Variants in HCN1 observed in about 807,000 individuals in gnomAD.
HCN1 encodes the protein potassium/sodium hyperpolarization-activated cyclic nucleotide-gated channel 1.
Under a neutral mutation model 78.9 loss-of-function variants are expected in HCN1, and 13 were observed. That is an observed-to-expected ratio of 0.16 (90% CI 0.11 to 0.26). The LOEUF (loss-of-function observed/expected upper bound fraction) is 0.26, where lower values mean the gene tolerates loss of function less well. Among genes scored for constraint, HCN1 ranks in the 10% least tolerant of loss-of-function variants. The pLI is 1.00. For synonymous variants in HCN1, 552 were observed against 455.5 expected (o/e 1.21, Z -2.70); for missense variants, 810 against 1,154.3 (o/e 0.70, Z 4.32).
intron 2 of HCN1, among the ~76,000 whole-genome samples, chr5:45,547,021 C>T (rs552081207): frequency 6.6e-6 from 1 of 152,010 alleles, no homozygotes; most frequent in East Asian, 1.9e-4. Flanking sequence ...AACCTTTTAA[C>T]CGGTCTCTAT....
chr5:45,372,775 T>A lies in HCN1; in HGVS notation c.1231-19529A>T, dbSNP rs905767057. 2.1e-5 allele frequency among the ~76,000 whole-genome samples: 3 copies of A among 140,906 alleles called. No homozygotes were observed. In the East Asian group the frequency reaches 6.3e-4, roughly 29 times the overall value. 92.4% of individuals were successfully genotyped at this position (140,906 alleles called of 152,430 possible). The stretch of plus-strand genomic sequence containing the variant: ...TATTCTATACACAAAAATATATACG[T>A]ATTCTATACACAAAAATATTTACGT... On this transcript the variant is annotated intron_variant, in intron 4 of 7. Coordinates refer to ENST00000303230, the MANE Select transcript of HCN1 (RefSeq NM_021072.4).
intron 5 of HCN1, among the ~76,000 whole-genome samples, chr5:45,322,035 T>A (rs921482732): frequency 6.6e-6 from 1 of 151,876 alleles, no homozygotes; most frequent in African/African-American, 2.4e-5. Flanking sequence ...TCTTGAGGCA[T>A]AACTAAATGA....
intron 3 of HCN1, among the ~76,000 whole-genome samples, chr5:45,459,566 G>A (rs975907242): frequency 6.6e-6 from 1 of 151,820 alleles, no homozygotes; most frequent in Non-Finnish European, 1.5e-5. Flanking sequence ...AGCACATATA[G>A]ACATGTTTAA....
At chr5:45,365,381 A>G (rs1747213964) in intron 4 of HCN1, among the ~76,000 whole-genome samples, 1 of 151,872 alleles carries the variant, frequency 6.6e-6, no homozygotes, top group Non-Finnish European at 1.5e-5. Context: ...AAAGACTATT[A>G]TCTCTATCTT....
intron 4 of HCN1, among the ~76,000 whole-genome samples, chr5:45,372,751 A>G: frequency 7.0e-6 from 1 of 143,428 alleles, no homozygotes; most frequent in East Asian, 2.1e-4. Context: ...ATATATACGT[A>G]TTCTATACAC....
intron 7 of HCN1, among the ~76,000 whole-genome samples, chr5:45,266,009 A>T (rs1744848829): frequency 6.6e-6 from 1 of 152,112 alleles, no homozygotes; most frequent in African/African-American, 2.4e-5. Flanking sequence ...AGCAGAGTCG[A>T]GCTGACCAAA....
intron 3 of HCN1, among the ~76,000 whole-genome samples, chr5:45,440,874 C>A (rs1403166117): frequency 6.6e-6 from 1 of 152,080 alleles, no homozygotes; most frequent in East Asian, 1.9e-4. Flanking sequence ...AGAACAGAAC[C>A]CCAAATCTTT....
intron 6 of HCN1, among the ~76,000 whole-genome samples, chr5:45,303,165 C>T (rs1285217487): frequency 6.6e-6 from 1 of 152,062 alleles, no homozygotes; most frequent in Non-Finnish European, 1.5e-5. Flanking sequence ...AATTTCTGGG[C>T]AGTAGGAATA....
intron 4 of HCN1, among the ~76,000 whole-genome samples, chr5:45,385,502 A>G (rs1373253432): frequency 2.0e-5 from 3 of 152,150 alleles, no homozygotes; most frequent in African/African-American, 7.2e-5. Flanking sequence ...GTCAGGAAAT[A>G]AAGGCAATTA....
In HCN1 at chr5:45,332,299, A is replaced by G. The variant is rs148635502; in HGVS notation, c.1377+20801T>C. On this transcript the variant is annotated intron_variant, in intron 5 of 7. Coordinates refer to ENST00000303230, the MANE Select transcript of HCN1 (RefSeq NM_021072.4). Reference sequence around the variant, plus strand: ...GTAATCACATCATGGAAAGTTGGGTATCCATCCTCAAGGATTTATCCTTCA... The same window carrying G: ...GTAATCACATCATGGAAAGTTGGGTGTCCATCCTCAAGGATTTATCCTTCA... 2.8e-3 allele frequency among the ~76,000 whole-genome samples: 426 copies of G among 151,654 alleles called. 3 individuals are homozygous for G. The highest frequency in any genetic ancestry group is 0.014 in the Middle Eastern group (4 of 294).
Position 45,357,786 on chromosome 5 carries a change from T to C in HCN1, c.1231-4540A>G, listed in dbSNP as rs537341020. Among the ~76,000 whole-genome samples the C allele has an allele frequency of 2.0e-5, 3 of 152,154 alleles. No individual in the cohort carries two copies. In the East Asian group the frequency reaches 5.8e-4, roughly 30 times the overall value. On this transcript the variant is annotated intron_variant, in intron 4 of 7. Coordinates refer to ENST00000303230, the MANE Select transcript of HCN1 (RefSeq NM_021072.4). The stretch of plus-strand genomic sequence containing the variant: ...GGATTCTCCAAACTTCATGTTGAGA[T>C]TTTATCCCCAGTGTTGTAGGTGGGA...
chr5:45,674,948 T>A (rs560334781), intron 1 of HCN1, among the ~76,000 whole-genome samples: 1 of 151,752 alleles, frequency 6.6e-6, no homozygotes, highest in African/African-American at 2.4e-5. Context: ...ATAAAAATAA[T>A]AAGATATGCA....
chr5:45,322,382 TAATATTTATTAAATGCTTTGTGC>T (rs1229537602), intron 5 of HCN1, among the ~76,000 whole-genome samples: 1 of 151,868 alleles, frequency 6.6e-6, no homozygotes, highest in East Asian at 1.9e-4. Flanking sequence ...TGATATTCAC[TAATATTTATTAAATGCTTTGTGC>T]TTTCTCATGT....
In HCN1 at chr5:45,258,711, C is replaced by G; in HGVS notation, c.*3210G>C. 1 of 151,460 alleles carries G rather than the reference C, an allele frequency of 6.6e-6. No homozygotes were observed. Among genetic ancestry groups the G allele is most frequent in the South Asian group, 2.1e-4 (1 of 4,808 alleles). The allele number at this position is 151,460 out of a possible 1,614,324, so 9.4% of individuals were successfully genotyped here. A position where few individuals can be genotyped will look rare whatever the true frequency, so the allele number is the denominator to read the frequency against. The stretch of plus-strand genomic sequence containing the variant: ...ATTTTGTTATAATAGGGCCTTGGGC[C>G]TACTATACAAACCTATTTTGTTTAA... On this transcript the variant is annotated 3_prime_UTR_variant, in exon 8 of 8. Transcript: ENST00000303230.
At chr5:45,541,306 T>A (rs1247474684) in intron 2 of HCN1, among the ~76,000 whole-genome samples, 1 of 152,170 alleles carries the variant, frequency 6.6e-6, no homozygotes, top group South Asian at 2.1e-4. Context: ...TCACCAGATC[T>A]CCAGAGCTCT....
chr5:45,695,628 G>A, intron 1 of HCN1, 41 bp downstream of exon 1: 1 of 1,590,766 alleles, frequency 6.3e-7, no homozygotes, highest in Non-Finnish European at 8.6e-7. Context: ...GTTTCAGGGC[G>A]CGCCTGAAGG....
intron 2 of HCN1, among the ~76,000 whole-genome samples, chr5:45,539,810 G>A (rs1459209309): frequency 6.9e-6 from 1 of 145,598 alleles, no homozygotes; most frequent in East Asian, 2.1e-4. Context: ...ACACACATAT[G>A]CACACATATA....
intron 2 of HCN1, among the ~76,000 whole-genome samples, chr5:45,580,601 A>T (rs1377569743): frequency 6.6e-6 from 1 of 152,024 alleles, no homozygotes; most frequent in East Asian, 1.9e-4. Flanking sequence ...GGTTTGTTAC[A>T]TGTGTATACA....
intron 2 of HCN1, among the ~76,000 whole-genome samples, chr5:45,488,935 G>A (rs1741826059): frequency 6.6e-6 from 1 of 152,134 alleles, no homozygotes; most frequent in Non-Finnish European, 1.5e-5. Flanking sequence ...AAAGGCTTTT[G>A]CCTTAAAGCC....
Sources: allele counts gnomAD v4.1 joint callset (sites outside exome capture counted in the v4.1 genomes callset), GRCh38; gene constraint gnomAD v4.1.1; transcripts MANE v1.5; gene names NCBI Gene and HGNC (gene_info 2026-07-23, HGNC 2026-07-21).